The following CDH2 variants were observed in gnomAD, a reference collection of about 807,000 sequenced individuals.
CDH2 encodes the protein cadherin 2.
In CDH2, 17 loss-of-function variants were observed where a neutral mutation model predicts 92.0. That is an observed-to-expected ratio of 0.18 (90% CI 0.13 to 0.28). The LOEUF is 0.28. Among genes scored for constraint, CDH2 ranks in the 10% least tolerant of loss-of-function variants. CDH2 has a pLI of 1.00. For synonymous variants in CDH2, 419 were observed against 415.9 expected (o/e 1.01, Z -0.09); for missense variants, 862 against 1,133.1 (o/e 0.76, Z 3.44).
chr18:28,091,629 T>A (rs2015038821), intron 2 of CDH2, among the ~76,000 whole-genome samples: 1 of 152,210 alleles, frequency 6.6e-6, no homozygotes, highest in Non-Finnish European at 1.5e-5. Context: ...TAAAGACAAC[T>A]TACTGATTTA....
At chr18:28,149,333 A>G (rs958114133) in intron 1 of CDH2, among the ~76,000 whole-genome samples, 3 of 152,244 alleles carry the variant, frequency 2.0e-5, no homozygotes, top group African/African-American at 7.2e-5. Flanking sequence ...AGAAAACAAC[A>G]TTAAAATGAA....
intron 2 of CDH2, among the ~76,000 whole-genome samples, chr18:28,104,903 C>T (rs2015296700): frequency 6.6e-6 from 1 of 151,990 alleles, no homozygotes; most frequent in Non-Finnish European, 1.5e-5. Context: ...GATAGATACT[C>T]ACCATAATGA....
intron 1 of CDH2, among the ~76,000 whole-genome samples, chr18:28,168,836 A>C (rs1393898861): frequency 6.6e-6 from 1 of 152,116 alleles, no homozygotes; most frequent in African/African-American, 2.4e-5. Context: ...TCAACTAAGT[A>C]GAGAGAAACT....
chr18:28,123,570 G>C (rs1372940432), intron 2 of CDH2, among the ~76,000 whole-genome samples: 1 of 152,102 alleles, frequency 6.6e-6, no homozygotes, highest in Non-Finnish European at 1.5e-5. Context: ...GGCTTGTTTG[G>C]AGGGGGTTCA....
In CDH2 at chr18:27,951,137, C is replaced by G. The variant is rs530143589; in HGVS notation, c.*1016G>C. On this transcript the variant is annotated 3_prime_UTR_variant, in exon 16 of 16. Coordinates refer to ENST00000269141, the MANE Select transcript of CDH2 (RefSeq NM_001792.5). ...ACACACTTAGTAGTGCCACCAGTGT[C>G]AGGCCACCCCTTTCTTTCCTTTCCT... The G allele has an allele frequency of 2.9e-5, 4 of 139,632 alleles. No individual in the cohort carries two copies. The East Asian group carries it at 8.7e-4, about 30-fold the overall frequency. The allele number at this position is 139,632 out of a possible 1,614,324, so 8.6% of individuals were successfully genotyped here.
At chr18:28,024,121 T>C (rs1321634342) in intron 2 of CDH2, among the ~76,000 whole-genome samples, 4 of 152,160 alleles carry the variant, frequency 2.6e-5, no homozygotes. Context: ...ATGGCTGTTT[T>C]GGGGTAGACT....
rs549946166 is a variant in CDH2, at chr18:28,048,514, G to A, written c.173-34605C>T. On this transcript the variant is annotated intron_variant, in intron 2 of 15. Transcript: ENST00000269141. Reference sequence around the variant, plus strand: ...TATAAAGAATAACTGTATTCGATACGTTTTTGATATGGGTCAAATGCTCCC... The same window carrying A: ...TATAAAGAATAACTGTATTCGATACATTTTTGATATGGGTCAAATGCTCCC... Among the ~76,000 whole-genome samples, 30 of 152,270 alleles carry A rather than the reference G, an allele frequency of 2.0e-4. 1 individual carries two copies. Among genetic ancestry groups the A allele is most frequent in the Admixed American group, 1.0e-3 (16 of 15,302 alleles).
chr18:27,968,684 G>A (rs1313222399), intron 14 of CDH2, among the ~76,000 whole-genome samples: 1 of 152,126 alleles, frequency 6.6e-6, no homozygotes, highest in African/African-American at 2.4e-5. Flanking sequence ...GGCATGGGCT[G>A]GTTCAAGTGG....
intron 2 of CDH2, among the ~76,000 whole-genome samples, chr18:28,037,803 ACAAATGAAAACCTAAAGG>A (rs1319827854): frequency 2.0e-5 from 3 of 152,212 alleles, no homozygotes; most frequent in Non-Finnish European, 4.4e-5. Flanking sequence ...GGCTGAAATT[ACAAATGAAAACCTAAAGG>A]CTAGCAAAGC....
chr18:28,019,708 T>C (rs17522631), intron 2 of CDH2, among the ~76,000 whole-genome samples: 126 of 152,230 alleles, frequency 8.3e-4, no homozygotes, highest in African/African-American at 3.0e-3. Context: ...CTATGACCAA[T>C]ATGAATTGGT....
chr18:28,032,136 T>C (rs2013712996), intron 2 of CDH2, among the ~76,000 whole-genome samples: 1 of 152,186 alleles, frequency 6.6e-6, no homozygotes, highest in African/African-American at 2.4e-5. Context: ...GTCTGAGCTC[T>C]GACTATGTAT....
At chr18:28,015,816 T>C (rs761877007) in intron 2 of CDH2, among the ~76,000 whole-genome samples, 20 of 152,340 alleles carry the variant, frequency 1.3e-4, no homozygotes, top group Admixed American at 2.6e-4. Context: ...TTCTCCTCCC[T>C]GCTTAAAATC....
chr18:27,995,087 C>T (rs992586537), intron 7 of CDH2, among the ~76,000 whole-genome samples: 26 of 151,906 alleles, frequency 1.7e-4, no homozygotes, highest in Admixed American at 9.2e-4. Context: ...TCGAGGCAGG[C>T]GGATCATGAG....
intron 1 of CDH2, among the ~76,000 whole-genome samples, chr18:28,153,530 C>A (rs17536703): frequency 6.6e-6 from 1 of 152,138 alleles, no homozygotes; most frequent in Admixed American, 6.5e-5. Flanking sequence ...GGGAAATCTG[C>A]CCAGGGGCAA....
chr18:27,994,100 G>A (rs1300111824), intron 7 of CDH2, among the ~76,000 whole-genome samples: 2 of 152,124 alleles, frequency 1.3e-5, no homozygotes, highest in Admixed American at 6.5e-5. Context: ...CCTTTTATAT[G>A]TTCTTACATA....
At chr18:27,942,063 C>A (rs1434531508) in intron 6 of CDH2, among the ~76,000 whole-genome samples, 1 of 152,054 alleles carries the variant, frequency 6.6e-6, no homozygotes, top group Non-Finnish European at 1.5e-5. Flanking sequence ...GTAAAAAGTT[C>A]AAAACCTGGA....
At chr18:28,010,927 G>A (rs1319136680) in intron 4 of CDH2, among the ~76,000 whole-genome samples, 1 of 149,706 alleles carries the variant, frequency 6.7e-6, no homozygotes, top group African/African-American at 2.4e-5. Context: ...TGGGATTACA[G>A]GTGCCCTGCC....
At chr18:28,117,778 A>G (rs553385781) in intron 2 of CDH2, among the ~76,000 whole-genome samples, 16 of 152,196 alleles carry the variant, frequency 1.1e-4, no homozygotes, top group Admixed American at 3.9e-4. Context: ...TACAGACGAG[A>G]AAATGGCACC....
chr18:28,108,251 T>C (rs993514800), intron 2 of CDH2, among the ~76,000 whole-genome samples: 5 of 152,190 alleles, frequency 3.3e-5, no homozygotes, highest in Non-Finnish European at 5.9e-5. Context: ...TCCAAAGATC[T>C]GAAAAAGTGT....
Sources: allele counts gnomAD v4.1 joint callset (sites outside exome capture counted in the v4.1 genomes callset), GRCh38; gene constraint gnomAD v4.1.1; transcripts MANE v1.5; gene names NCBI Gene and HGNC (gene_info 2026-07-23, HGNC 2026-07-21).